GALNT17: variants seen among roughly 807,000 people sequenced by gnomAD.
The protein encoded by GALNT17 is UDP-GalNAc:polypeptide N-acetylgalactosaminyltransferase-like 3.
A neutral mutation model predicts 63.7 loss-of-function variants in GALNT17; 29 were observed. The ratio of observed to expected loss-of-function variants is 0.46; its 90% CI spans 0.34 to 0.62. The LOEUF is 0.62. Ranked by LOEUF, GALNT17 falls within the 20% of genes least tolerant of loss-of-function variation. The pLI, the probability that GALNT17 is intolerant of heterozygous loss-of-function variation, is 0.01. For missense variants in GALNT17, 603 were observed against 799.6 expected, an observed-to-expected ratio of 0.75 and a Z score of 2.97; for synonymous variants, 305 against 318.3, an observed-to-expected ratio of 0.96 and a Z score of 0.45.
chr7:71,651,000 T>A (rs561798311), intron 6 of GALNT17, among the ~76,000 whole-genome samples: 1 of 152,184 alleles, frequency 6.6e-6, no homozygotes, highest in South Asian at 2.1e-4. Flanking sequence ...GGAAGGTAAA[T>A]TGTTAGAAGT....
intron 1 of GALNT17, among the ~76,000 whole-genome samples, chr7:71,194,207 C>T (rs891708541): frequency 2.0e-5 from 3 of 152,076 alleles, no homozygotes; most frequent in Admixed American, 1.3e-4. Flanking sequence ...CATCATGCAC[C>T]ACCATATCAA....
intron 1 of GALNT17, among the ~76,000 whole-genome samples, chr7:71,216,539 C>T (rs28552588): frequency 0.042 from 6,308 of 151,900 alleles, 437 homozygotes; most frequent in African/African-American, 0.14. Flanking sequence ...CACACATATA[C>T]GTATATTATA....
chr7:71,698,705 C>G (rs1172588079), intron 9 of GALNT17, among the ~76,000 whole-genome samples: 1 of 151,956 alleles, frequency 6.6e-6, no homozygotes, highest in African/African-American at 2.4e-5. Flanking sequence ...AAGAAGGAAA[C>G]AGAGGAGCCT....
At chr7:71,145,828 G>C (rs1788012462) in intron 1 of GALNT17, among the ~76,000 whole-genome samples, 1 of 152,000 alleles carries the variant, frequency 6.6e-6, no homozygotes, top group South Asian at 2.1e-4. Context: ...GCCTCAGCCT[G>C]CTGAGTAGCT....
intron 1 of GALNT17, among the ~76,000 whole-genome samples, chr7:71,296,976 T>C (rs1021297678): frequency 6.6e-6 from 1 of 152,224 alleles, no homozygotes; most frequent in African/African-American, 2.4e-5. Flanking sequence ...AACTAATTCC[T>C]AGTCCAGTTC....
At chr7:71,268,606 G>T (rs1263271489) in intron 1 of GALNT17, among the ~76,000 whole-genome samples, 1 of 151,702 alleles carries the variant, frequency 6.6e-6, no homozygotes, top group Non-Finnish European at 1.5e-5. Flanking sequence ...AAAAAAAAGA[G>T]ATTGGGCTGC....
At chr7:71,159,024 AT>A (rs1433384179) in intron 1 of GALNT17, among the ~76,000 whole-genome samples, 1 of 151,688 alleles carries the variant, frequency 6.6e-6, no homozygotes. Flanking sequence ...ATATCAGCTT[AT>A]TATAATATTG....
chr7:71,241,226 C>A (rs1789990198), intron 1 of GALNT17, among the ~76,000 whole-genome samples: 1 of 152,188 alleles, frequency 6.6e-6, no homozygotes, highest in Admixed American at 6.5e-5. Flanking sequence ...TCTCTCCTCC[C>A]TGGTTTGGCG....
At chr7:71,260,202 G>A (rs1021818111) in intron 1 of GALNT17, among the ~76,000 whole-genome samples, 1 of 152,126 alleles carries the variant, frequency 6.6e-6, no homozygotes, top group African/African-American at 2.4e-5. Flanking sequence ...CTCCCAGGAC[G>A]AGAGGCAGAA....
chr7:71,699,390 C>T (rs572098770), intron 9 of GALNT17, among the ~76,000 whole-genome samples: 3 of 150,456 alleles, frequency 2.0e-5, no homozygotes, highest in Admixed American at 6.6e-5. Flanking sequence ...GCAGGAGAAT[C>T]GCTTGAACCT....
At chr7:71,595,518 T>A (rs967163945) in intron 6 of GALNT17, among the ~76,000 whole-genome samples, 2 of 152,104 alleles carry the variant, frequency 1.3e-5, no homozygotes, top group African/African-American at 2.4e-5. Flanking sequence ...ACAGCTGGGC[T>A]GGAACAGTGA....
intron 6 of GALNT17, among the ~76,000 whole-genome samples, chr7:71,609,440 A>G (rs1467448478): frequency 6.6e-6 from 1 of 152,240 alleles, no homozygotes; most frequent in African/African-American, 2.4e-5. Context: ...GGGAGTTGCA[A>G]CAAGAAAGTA....
chr7:71,689,630 T>C (rs903664228), intron 9 of GALNT17, among the ~76,000 whole-genome samples: 6 of 152,218 alleles, frequency 3.9e-5, no homozygotes, highest in African/African-American at 1.4e-4. Flanking sequence ...AACATAATGG[T>C]GCAGGGTGAA....
At chr7:71,299,383 C>A (rs1583841109) in intron 1 of GALNT17, among the ~76,000 whole-genome samples, 1 of 152,160 alleles carries the variant, frequency 6.6e-6, no homozygotes, top group Non-Finnish European at 1.5e-5. Context: ...ACACATGCTA[C>A]CTCATGAATT....
intron 3 of GALNT17, among the ~76,000 whole-genome samples, chr7:71,397,818 A>G (rs1018962225): frequency 6.6e-6 from 1 of 152,170 alleles, no homozygotes; most frequent in Admixed American, 6.5e-5. Context: ...GGAAGAGAAA[A>G]TCTTTCAAGT....
chr7:71,701,801 G>GTA (rs1490207633), intron 9 of GALNT17, among the ~76,000 whole-genome samples: 1 of 6,500 alleles, frequency 1.5e-4, no homozygotes, highest in African/African-American at 2.1e-4. Context: ...ATGTGTGTGT[G>GTA]TGTATATATA....
intron 7 of GALNT17, among the ~76,000 whole-genome samples, chr7:71,669,590 C>A (rs1003045642): frequency 1.5e-5 from 2 of 137,908 alleles, no homozygotes; most frequent in African/African-American, 5.4e-5. Flanking sequence ...GAGACAAAGT[C>A]TCGCACTGTC....
Position 71,325,919 on chromosome 7 carries a change from CAT to C in GALNT17, c.239-9626_239-9625del, listed in dbSNP as rs1791696950. Reference sequence around the variant, plus strand: ...AAAACTGGATGACTACCTGAGAAAACATATATTTTACAGCCTCACCTGCCAAC... The same window carrying C: ...AAAACTGGATGACTACCTGAGAAAACATATTTTACAGCCTCACCTGCCAAC... On this transcript the variant is annotated intron_variant, in intron 1 of 10. Transcript: ENST00000333538. Among the ~76,000 whole-genome samples, 4 of 152,126 alleles carry C rather than the reference CAT, an allele frequency of 2.6e-5. No homozygotes were observed. In the South Asian group the frequency reaches 8.3e-4, roughly 32 times the overall value.
chr7:71,294,946 T>C (rs1791051483), intron 1 of GALNT17, among the ~76,000 whole-genome samples: 1 of 152,206 alleles, frequency 6.6e-6, no homozygotes, highest in South Asian at 2.1e-4. Context: ...TCTGCATTAA[T>C]GTTGAAGCTT....
Sources: allele counts gnomAD v4.1 joint callset (sites outside exome capture counted in the v4.1 genomes callset), GRCh38; gene constraint gnomAD v4.1.1; transcripts MANE v1.5; gene names NCBI Gene and HGNC (gene_info 2026-07-23, HGNC 2026-07-21).